PAG1: variants seen among roughly 807,000 people sequenced by gnomAD.
PAG1 encodes the protein phosphoprotein associated with glycosphingolipid-enriched microdomains 1.
A neutral mutation model predicts 31.7 loss-of-function variants in PAG1; 23 were observed. That is an observed-to-expected ratio of 0.73 (90% CI 0.52 to 1.03). The LOEUF (loss-of-function observed/expected upper bound fraction) is 1.03, where lower values mean the gene tolerates loss of function less well. Among genes scored for constraint, PAG1 ranks in the 50% least tolerant of loss-of-function variants. The probability of loss-of-function intolerance (pLI) is 0.00; values close to 1 mark genes in which losing one functional copy is unlikely to be tolerated. For missense variants in PAG1, 473 were observed against 540.7 expected, an observed-to-expected ratio of 0.87 and a Z score of 1.24; for synonymous variants, 214 against 210.3, an observed-to-expected ratio of 1.02 and a Z score of -0.15.
intron 1 of PAG1, among the ~76,000 whole-genome samples, chr8:81,089,914 GATTA>G (rs563579715): frequency 8.5e-5 from 13 of 152,084 alleles, no homozygotes; most frequent in Admixed American, 5.9e-4. Context: ...TAAAATTATA[GATTA>G]ATTTAAAAAA....
At chr8:81,069,391 A>G (rs933461195) in intron 2 of PAG1, among the ~76,000 whole-genome samples, 9 of 152,178 alleles carry the variant, frequency 5.9e-5, no homozygotes, top group Non-Finnish European at 1.3e-4. Flanking sequence ...AGGCCATAAC[A>G]CTTGAGGTTT....
chr8:81,030,440 T>TGA (rs1171863248), intron 2 of PAG1, among the ~76,000 whole-genome samples: 3 of 152,258 alleles, frequency 2.0e-5, no homozygotes, highest in Non-Finnish European at 4.4e-5. Context: ...ACAGTGATAC[T>TGA]AAAATTCAAA....
chr8:81,028,022 G>C (rs909215144), intron 3 of PAG1, among the ~76,000 whole-genome samples: 1 of 152,108 alleles, frequency 6.6e-6, no homozygotes, highest in Non-Finnish European at 1.5e-5. Context: ...CTGGGTGTGG[G>C]GCAGGCTCTC....
chr8:81,071,268 T>C (rs1170388052), intron 1 of PAG1, among the ~76,000 whole-genome samples: 1 of 152,116 alleles, frequency 6.6e-6, no homozygotes, highest in Non-Finnish European at 1.5e-5. Flanking sequence ...AAGAGCCGCC[T>C]GAATATGAGT....
intron 3 of PAG1, among the ~76,000 whole-genome samples, chr8:81,007,431 C>T (rs1196533106): frequency 3.5e-5 from 5 of 144,778 alleles, no homozygotes; most frequent in African/African-American, 2.6e-5. Flanking sequence ...CTGGCCAACA[C>T]GGTGAAACCC....
chr8:81,089,900 G>A (rs898278133), intron 1 of PAG1, among the ~76,000 whole-genome samples: 1 of 152,102 alleles, frequency 6.6e-6, no homozygotes, highest in Admixed American at 6.5e-5. Flanking sequence ...GATTGAAATT[G>A]CATTAAAATT....
chr8:80,994,972 G>A (rs1401570954), intron 3 of PAG1, among the ~76,000 whole-genome samples: 3 of 152,218 alleles, frequency 2.0e-5, no homozygotes, highest in African/African-American at 7.2e-5. Flanking sequence ...AGCTGTGACT[G>A]TTTTCAGCCA....
At chr8:81,020,569 G>A (rs1300681941) in intron 3 of PAG1, among the ~76,000 whole-genome samples, 1 of 152,012 alleles carries the variant, frequency 6.6e-6, no homozygotes, top group African/African-American at 2.4e-5. Flanking sequence ...CTTCTTCTTT[G>A]CCTTCTACCA....
At chr8:81,025,466 C>T (rs1363532227) in intron 3 of PAG1, among the ~76,000 whole-genome samples, 1 of 152,122 alleles carries the variant, frequency 6.6e-6, no homozygotes, top group Non-Finnish European at 1.5e-5. Context: ...AAGACAAGGC[C>T]TCCAGGAGCA....
At chr8:81,104,810 T>C (rs1809666134) in intron 1 of PAG1, among the ~76,000 whole-genome samples, 1 of 152,172 alleles carries the variant, frequency 6.6e-6, no homozygotes, top group Admixed American at 6.5e-5. Flanking sequence ...TTACTTTGTC[T>C]GTCCCTTACC....
Position 80,985,369 on chromosome 8 carries a change from C to T in PAG1, c.283G>A (p.Glu95Lys). 2.5e-6 allele frequency: 4 copies of T among 1,610,890 alleles called. No individual in the cohort carries two copies. The highest frequency in any genetic ancestry group is 3.4e-6 in the Non-Finnish European group (4 of 1,177,976). The change falls in exon 7 of 9, where the codon GAG becomes AAG. Residue 95 changes from glutamate (E) to lysine (K), a missense_variant. By Grantham distance (56) the Glu-to-Lys change is moderately conservative. Coordinates refer to ENST00000220597, the MANE Select transcript of PAG1 (RefSeq NM_018440.4). The part of the protein sequence containing the change: ...GALTNGDILS[E>K]DSTLTCMQHY... ...TGCATGCAGGTCAGAGTACTGTCCT[C>T]TGAAAGAACTAAAGCAGCACACACA...
chr8:81,014,857 G>C (rs1050958600), intron 3 of PAG1, among the ~76,000 whole-genome samples: 3 of 152,166 alleles, frequency 2.0e-5, no homozygotes, highest in African/African-American at 7.2e-5. Context: ...AGGTGCAATC[G>C]GGCGGATAGA....
intron 3 of PAG1, among the ~76,000 whole-genome samples, chr8:81,011,875 T>C (rs1807990530): frequency 6.6e-6 from 1 of 152,216 alleles, no homozygotes; most frequent in South Asian, 2.1e-4. Flanking sequence ...CTTCTCCATT[T>C]GCACATTTTG....
intron 3 of PAG1, among the ~76,000 whole-genome samples, chr8:81,024,529 T>C (rs561547074): frequency 1.3e-5 from 2 of 152,326 alleles, no homozygotes; most frequent in East Asian, 3.9e-4. Context: ...ATTAAATGTA[T>C]GTATCCACAA....
At chr8:81,052,376 C>T (rs1330830076) in intron 2 of PAG1, among the ~76,000 whole-genome samples, 1 of 152,018 alleles carries the variant, frequency 6.6e-6, no homozygotes, top group Non-Finnish European at 1.5e-5. Context: ...GTTCAGTAGC[C>T]CCCACCACTG....
chr8:81,082,688 C>G (rs1809288882), intron 1 of PAG1, among the ~76,000 whole-genome samples: 1 of 152,092 alleles, frequency 6.6e-6, no homozygotes, highest in Admixed American at 6.5e-5. Flanking sequence ...GTTGTCCAGC[C>G]CATCCACTGA....
intron 3 of PAG1, among the ~76,000 whole-genome samples, chr8:81,010,126 T>G (rs1051577854): frequency 5.9e-5 from 9 of 152,230 alleles, no homozygotes; most frequent in Admixed American, 2.6e-4. Flanking sequence ...CTTGTAGTAT[T>G]GGAACATGTC....
chr8:81,110,185 C>T (rs938464306), intron 1 of PAG1, among the ~76,000 whole-genome samples: 3 of 152,044 alleles, frequency 2.0e-5, no homozygotes, highest in Admixed American at 2.0e-4. Context: ...TAAAACATAC[C>T]CCTGAGCTTT....
chr8:81,033,250 C>T (rs570993197), intron 2 of PAG1, among the ~76,000 whole-genome samples: 4 of 152,232 alleles, frequency 2.6e-5, no homozygotes, highest in East Asian at 3.9e-4. Flanking sequence ...ACAATTTTAG[C>T]TGGAATCATG....
Sources: gnomAD v4.1 joint callset for allele counts (sites outside exome capture counted in the v4.1 genomes callset) on GRCh38, gnomAD v4.1.1 for gene constraint, MANE v1.5 for transcripts, NCBI Gene and HGNC (gene_info 2026-07-23, HGNC 2026-07-21) for gene names.